CTNNA3: variants seen among roughly 807,000 people sequenced by gnomAD.
CTNNA3 encodes the protein catenin alpha 3, also known as catenin alpha-3.
In CTNNA3, 76 loss-of-function variants were observed where a neutral mutation model predicts 95.7. That is an observed-to-expected ratio of 0.79 (90% CI 0.66 to 0.96). CTNNA3 has a LOEUF of 0.96. Among genes scored for constraint, CTNNA3 ranks in the 40% least tolerant of loss-of-function variants. The pLI is 0.00. For synonymous variants in CTNNA3, 431 were observed against 374.4 expected (o/e 1.15, Z -1.74); for missense variants, 1,191 against 1,089.8 (o/e 1.09, Z -1.31).
intron 12 of CTNNA3, among the ~76,000 whole-genome samples, chr10:66,313,987 A>T (rs1030869209): frequency 6.6e-6 from 1 of 152,272 alleles, no homozygotes; most frequent in South Asian, 2.1e-4. Context: ...CATACAAACT[A>T]TCTCATCCTC....
chr10:65,928,930 G>T (rs2077207447), intron 17 of CTNNA3, among the ~76,000 whole-genome samples: 1 of 152,022 alleles, frequency 6.6e-6, no homozygotes, highest in Admixed American at 6.6e-5. Flanking sequence ...CAACGTGCAG[G>T]TTAGTTACAT....
At chr10:66,801,720 C>T (rs1841439699) in intron 7 of CTNNA3, among the ~76,000 whole-genome samples, 1 of 151,484 alleles carries the variant, frequency 6.6e-6, no homozygotes, top group African/African-American at 2.4e-5. Context: ...CAATTAAAAT[C>T]CAGCAGGCTT....
chr10:67,630,532 T>C (rs1839110328), intron 2 of CTNNA3, among the ~76,000 whole-genome samples: 1 of 152,052 alleles, frequency 6.6e-6, no homozygotes, highest in African/African-American at 2.4e-5. Flanking sequence ...GATTTGGGGG[T>C]TGTCTTCTTA....
intron 9 of CTNNA3, among the ~76,000 whole-genome samples, chr10:66,626,864 A>G (rs1175870174): frequency 1.3e-5 from 2 of 151,970 alleles, no homozygotes; most frequent in Non-Finnish European, 2.9e-5. Context: ...GTATAATTAG[A>G]TTTTTTAAAA....
chr10:67,281,606 T>C (rs1204822169), intron 5 of CTNNA3, among the ~76,000 whole-genome samples: 1 of 152,202 alleles, frequency 6.6e-6, no homozygotes, highest in Non-Finnish European at 1.5e-5. Context: ...CAGGGACTCC[T>C]TATTAGTTAA....
intron 9 of CTNNA3, among the ~76,000 whole-genome samples, chr10:66,668,034 C>T (rs148371322): frequency 2.5e-4 from 38 of 152,248 alleles, no homozygotes; most frequent in African/African-American, 8.4e-4. Flanking sequence ...ATGAAAGGAT[C>T]ATGAATCATT....
At chr10:66,850,559 G>C (rs1843449228) in intron 7 of CTNNA3, among the ~76,000 whole-genome samples, 1 of 152,022 alleles carries the variant, frequency 6.6e-6, no homozygotes, top group East Asian at 1.9e-4. Context: ...TCAGATTTAG[G>C]AGTATGCTTG....
intron 11 of CTNNA3, among the ~76,000 whole-genome samples, chr10:66,421,402 T>G (rs926675332): frequency 6.6e-6 from 1 of 152,168 alleles, no homozygotes; most frequent in African/African-American, 2.4e-5. Flanking sequence ...AAAGTAGCTA[T>G]AAGAAAGGAC....
At chr10:67,539,474 C>T in intron 4 of CTNNA3, 29 bp downstream of exon 4, 4 of 1,608,236 alleles carry the variant, frequency 2.5e-6, no homozygotes, top group Non-Finnish European at 3.4e-6. Context: ...AAGACAATGC[C>T]AAGGTAAACT....
intron 13 of CTNNA3, among the ~76,000 whole-genome samples, chr10:66,205,481 C>A (rs2087700525): frequency 6.6e-6 from 1 of 151,914 alleles, no homozygotes; most frequent in African/African-American, 2.4e-5. Flanking sequence ...TACCTTCAAT[C>A]ATTTTGCTTC....
chr10:67,414,296 T>A (rs752169481), intron 5 of CTNNA3, among the ~76,000 whole-genome samples: 1 of 152,072 alleles, frequency 6.6e-6, no homozygotes, highest in Non-Finnish European at 1.5e-5. Flanking sequence ...CAGAGACTAC[T>A]ATGAACAACT....
At chr10:66,629,297 A>G (rs1419729443) in intron 9 of CTNNA3, among the ~76,000 whole-genome samples, 1 of 152,062 alleles carries the variant, frequency 6.6e-6, no homozygotes, top group Non-Finnish European at 1.5e-5. Context: ...GAGTCTTATG[A>G]CTCAAGGCAG....
At chr10:66,515,920 A>G (rs977403002) in intron 11 of CTNNA3, among the ~76,000 whole-genome samples, 1 of 152,156 alleles carries the variant, frequency 6.6e-6, no homozygotes, top group Non-Finnish European at 1.5e-5. Context: ...TAGCCAAGCC[A>G]TATCAATCAT....
At chr10:67,639,719 T>C (rs1260428716) in intron 2 of CTNNA3, among the ~76,000 whole-genome samples, 1 of 152,026 alleles carries the variant, frequency 6.6e-6, no homozygotes, top group African/African-American at 2.4e-5. Context: ...AATCAATAAA[T>C]GTAATTCAGC....
At chr10:66,270,597 T>C (rs1039990708) in intron 13 of CTNNA3, among the ~76,000 whole-genome samples, 6 of 152,186 alleles carry the variant, frequency 3.9e-5, no homozygotes, top group African/African-American at 1.4e-4. Flanking sequence ...AATGAATAAA[T>C]ATGTAATACG....
chr10:67,084,557 A>C (rs1857205805), intron 7 of CTNNA3, among the ~76,000 whole-genome samples: 1 of 151,884 alleles, frequency 6.6e-6, no homozygotes, highest in African/African-American at 2.4e-5. Context: ...TAGATTAGAA[A>C]ATTTCCTGAT....
intron 12 of CTNNA3, among the ~76,000 whole-genome samples, chr10:66,285,064 G>T (rs887943182): frequency 2.0e-5 from 3 of 151,674 alleles, no homozygotes; most frequent in Non-Finnish European, 4.4e-5. Context: ...GACTAGTAAG[G>T]ATTTCACCAT....
intron 9 of CTNNA3, among the ~76,000 whole-genome samples, chr10:66,652,097 T>TAAAAAA (rs59359956): frequency 5.3e-4 from 65 of 122,324 alleles, no homozygotes; most frequent in Non-Finnish European, 8.5e-4. Flanking sequence ...CTCAAGGAAC[T>TAAAAAA]AAAAAAAAAA....
At chr10:67,499,498 G>C (rs1432560361) in intron 5 of CTNNA3, among the ~76,000 whole-genome samples, 1 of 152,178 alleles carries the variant, frequency 6.6e-6, no homozygotes, top group Non-Finnish European at 1.5e-5. Context: ...AATAGTTTCA[G>C]AAGGAATGGT....
Sources: allele counts gnomAD v4.1 joint callset (sites outside exome capture counted in the v4.1 genomes callset), GRCh38; gene constraint gnomAD v4.1.1; transcripts MANE v1.5; gene names NCBI Gene and HGNC (gene_info 2026-07-23, HGNC 2026-07-21).